The following MOB3B variants were observed in gnomAD, a reference collection of about 807,000 sequenced individuals.
MOB3B encodes the protein MOB kinase activator-like 2B.
Under a neutral mutation model 18.7 loss-of-function variants are expected in MOB3B, and 7 were observed. That is an observed-to-expected ratio of 0.37 (90% CI 0.21 to 0.70). MOB3B has a LOEUF of 0.70. Among genes scored for constraint, MOB3B ranks in the 30% least tolerant of loss-of-function variants. The pLI is 0.52. For synonymous variants in MOB3B, 111 were observed against 99.9 expected, an observed-to-expected ratio of 1.11 and a Z score of -0.66; for missense variants, 253 against 281.3, an observed-to-expected ratio of 0.90 and a Z score of 0.72.
intron 3 of MOB3B, among the ~76,000 whole-genome samples, chr9:27,339,948 C>G (rs1327277997): frequency 1.3e-5 from 2 of 152,176 alleles, no homozygotes; most frequent in Admixed American, 6.5e-5. Flanking sequence ...GGCAGCCAGT[C>G]TACAAAAATA....
intron 1 of MOB3B, among the ~76,000 whole-genome samples, chr9:27,476,863 A>G (rs1819560921): frequency 6.6e-6 from 1 of 152,236 alleles, no homozygotes; most frequent in Admixed American, 6.5e-5. Flanking sequence ...TGGCAGGCAT[A>G]GTGATGCAAA....
rs1033479844 is a variant in MOB3B, at chr9:27,334,887, G to A, written c.622-4271C>T. Among the ~76,000 whole-genome samples, 54 of 152,154 alleles carry A rather than the reference G, an allele frequency of 3.5e-4. 1 individual carries two copies. The highest frequency in any genetic ancestry group is 1.3e-3 in the African/African-American group (53 of 41,474). ...CCCCCAGGCTGGAGCGCAGTGGCGC[G>A]ATCTCGGCTCACTGCAAGCTCCACC... On this transcript the variant is annotated intron_variant, in intron 3 of 3. Transcript: ENST00000262244.
At chr9:27,515,170 C>T (rs1398439433) in intron 1 of MOB3B, among the ~76,000 whole-genome samples, 1 of 152,188 alleles carries the variant, frequency 6.6e-6, no homozygotes, top group Non-Finnish European at 1.5e-5. Context: ...TTGAACTGTG[C>T]CCCGACTTCA....
intron 2 of MOB3B, among the ~76,000 whole-genome samples, chr9:27,444,452 T>C (rs920476044): frequency 2.6e-5 from 4 of 152,228 alleles, no homozygotes; most frequent in African/African-American, 9.6e-5. Flanking sequence ...CATAAAGATA[T>C]CTTCACAAGT....
At chr9:27,464,748 G>C (rs532652954) in intron 1 of MOB3B, among the ~76,000 whole-genome samples, 8 of 152,152 alleles carry the variant, frequency 5.3e-5, no homozygotes, top group Non-Finnish European at 7.4e-5. Flanking sequence ...CAGAATCATG[G>C]CGGGAGGTGG....
intron 2 of MOB3B, among the ~76,000 whole-genome samples, chr9:27,367,275 A>G (rs1369951378): frequency 2.0e-5 from 3 of 152,248 alleles, no homozygotes; most frequent in African/African-American, 7.2e-5. Context: ...TCTGTCTCAG[A>G]GCCTATGCTC....
At chr9:27,516,067 T>G (rs1221754735) in intron 1 of MOB3B, among the ~76,000 whole-genome samples, 1 of 152,172 alleles carries the variant, frequency 6.6e-6, no homozygotes, top group Non-Finnish European at 1.5e-5. Context: ...ATGATGCATC[T>G]AGAAACCAAA....
At chr9:27,368,605 T>A (rs1821370775) in intron 2 of MOB3B, among the ~76,000 whole-genome samples, 2 of 152,178 alleles carry the variant, frequency 1.3e-5, no homozygotes, top group South Asian at 4.1e-4. Context: ...AGCTGACAGC[T>A]GCAAATGCTT....
At chr9:27,455,875 G>T in intron 1 of MOB3B, 127 bp from the exon 2 acceptor site, 2 of 955,646 alleles carry the variant, frequency 2.1e-6, no homozygotes, top group Non-Finnish European at 2.8e-6. Context: ...TATGGGCATG[G>T]GGGTTAAGCC....
In MOB3B at chr9:27,467,682, C is replaced by T. The variant is rs527653761; in HGVS notation, c.-198-11934G>A. On this transcript the variant is annotated intron_variant, in intron 1 of 3. Transcript: ENST00000262244. ...GGATGGATTCACTTAGTTGGCAAACCGCACATGCTCAGCTGGCTCAGCCTG... is the reference window on the plus strand; with the variant it reads ...GGATGGATTCACTTAGTTGGCAAACTGCACATGCTCAGCTGGCTCAGCCTG... Among the ~76,000 whole-genome samples the T allele has an allele frequency of 3.5e-4, 53 of 152,366 alleles. No homozygotes were observed. The South Asian group carries it at 4.3e-3, about 12-fold the overall frequency.
intron 3 of MOB3B, among the ~76,000 whole-genome samples, chr9:27,352,254 G>GT (rs1371929102): frequency 6.6e-6 from 1 of 151,426 alleles, no homozygotes; most frequent in Non-Finnish European, 1.5e-5. Flanking sequence ...GGTGACATGT[G>GT]TTTGTAGCCC....
chr9:27,521,854 T>C (rs967382041), intron 1 of MOB3B, among the ~76,000 whole-genome samples: 32 of 152,302 alleles, frequency 2.1e-4, no homozygotes, highest in Middle Eastern at 6.8e-3. Flanking sequence ...TAGAAATGTT[T>C]AAACAAATAA....
At chr9:27,351,663 C>T (rs7031858) in intron 3 of MOB3B, among the ~76,000 whole-genome samples, 65,155 of 152,076 alleles carry the variant, frequency 0.43, 14,339 homozygotes, top group Middle Eastern at 0.51. Flanking sequence ...TTGCTGGCTA[C>T]TTTAGGGAGT....
At chr9:27,438,971 C>A (rs1050047437) in intron 2 of MOB3B, among the ~76,000 whole-genome samples, 4 of 152,086 alleles carry the variant, frequency 2.6e-5, no homozygotes, top group African/African-American at 9.7e-5. Flanking sequence ...CTTCTGGGAG[C>A]CTCAACGGTT....
chr9:27,497,562 A>G (rs566176065), intron 1 of MOB3B, among the ~76,000 whole-genome samples: 80 of 152,106 alleles, frequency 5.3e-4, no homozygotes, highest in African/African-American at 1.9e-3. Context: ...ACTAATAATT[A>G]TGTCTAGTTT....
chr9:27,412,031 A>T (rs932994696), intron 2 of MOB3B, among the ~76,000 whole-genome samples: 1 of 152,198 alleles, frequency 6.6e-6, no homozygotes, highest in Non-Finnish European at 1.5e-5. Context: ...GATGCTTGTT[A>T]ATTAACCCTG....
chr9:27,489,498 C>A (rs1159735701), intron 1 of MOB3B, among the ~76,000 whole-genome samples: 1 of 152,174 alleles, frequency 6.6e-6, no homozygotes, highest in Non-Finnish European at 1.5e-5. Context: ...TCCAAAAATT[C>A]ACTAAGCTAA....
intron 2 of MOB3B, among the ~76,000 whole-genome samples, chr9:27,435,438 A>C (rs990827598): frequency 4.6e-5 from 7 of 152,090 alleles, no homozygotes; most frequent in Admixed American, 2.6e-4. Flanking sequence ...AGAGAGAAAA[A>C]TTATTTTTTC....
At chr9:27,349,283 A>G (rs536802736) in intron 3 of MOB3B, among the ~76,000 whole-genome samples, 34 of 152,350 alleles carry the variant, frequency 2.2e-4, no homozygotes, top group Admixed American at 1.2e-3. Flanking sequence ...ACAAGTGACC[A>G]CACAAGTCCC....
Sources: gnomAD v4.1 joint callset for allele counts (sites outside exome capture counted in the v4.1 genomes callset) on GRCh38, gnomAD v4.1.1 for gene constraint, MANE v1.5 for transcripts, NCBI Gene and HGNC (gene_info 2026-07-23, HGNC 2026-07-21) for gene names.